The following ERGIC2 variants were observed in gnomAD, a reference collection of about 807,000 sequenced individuals.
ERGIC2 encodes the protein endoplasmic reticulum-Golgi intermediate compartment protein 2.
ERGIC2 carries 31 observed loss-of-function variants against 52.5 expected under a neutral mutation model. The ratio of observed to expected loss-of-function variants is 0.59; its 90% CI spans 0.44 to 0.80. ERGIC2 has a LOEUF of 0.80. ERGIC2 is among the 30% of genes least tolerant of loss of function. The pLI is 0.00. For synonymous variants in ERGIC2, 129 were observed against 140.6 expected (o/e 0.92, Z 0.58); for missense variants, 395 against 455.2 (o/e 0.87, Z 1.20).
chr12:29,380,919 A>G (rs1940579535), intron 1 of ERGIC2, 196 bp downstream of exon 1: 1 of 152,264 alleles, frequency 6.6e-6, no homozygotes, highest in African/African-American at 2.4e-5. Flanking sequence ...TCCCAGTAGC[A>G]TCGTTGCCTA....
chr12:29,369,240 A>G (rs959055511), intron 3 of ERGIC2, among the ~76,000 whole-genome samples: 5 of 151,920 alleles, frequency 3.3e-5, no homozygotes, highest in Admixed American at 6.6e-5. Context: ...TATGTAATAC[A>G]TAAGACTTCA....
chr12:29,343,924 C>G (rs558758467), intron 11 of ERGIC2, among the ~76,000 whole-genome samples: 62 of 152,244 alleles, frequency 4.1e-4, no homozygotes, highest in Admixed American at 4.0e-3. Context: ...CCTCCCACCC[C>G]CTATCCTGCA....
chr12:29,357,824 CATTT>C (rs1202616499), intron 6 of ERGIC2, 100 bp from the exon 7 acceptor site: 1 of 740,654 alleles, frequency 1.4e-6, no homozygotes, highest in African/African-American at 1.8e-5. Flanking sequence ...TTAAATCATA[CATTT>C]ATTATTACAG....
At chr12:29,354,425 A>G (rs1372941567) in intron 8 of ERGIC2, among the ~76,000 whole-genome samples, 2 of 152,240 alleles carry the variant, frequency 1.3e-5, no homozygotes, top group Non-Finnish European at 1.5e-5. Flanking sequence ...AATTCTACAT[A>G]TAAGTGGCAA....
chr12:29,367,869 T>C (rs561148919), intron 4 of ERGIC2, among the ~76,000 whole-genome samples: 2 of 151,676 alleles, frequency 1.3e-5, no homozygotes, highest in East Asian at 3.9e-4. Flanking sequence ...AACGCAAGAG[T>C]AAACATAAAA....
chr12:29,376,810 T>A (rs536999809), intron 1 of ERGIC2, among the ~76,000 whole-genome samples: 1 of 152,314 alleles, frequency 6.6e-6, no homozygotes, highest in East Asian at 1.9e-4. Flanking sequence ...TTGCCAGAAG[T>A]CATTGCTATT....
chr12:29,340,901 G>GTC lies in ERGIC2; in HGVS notation c.*253_*254dup, dbSNP rs1949833163. ...ATTTGCTATGAAAATATAAGAAGGC[G>GTC]TCATCTTCAAAGCAACACTCCAGTT... is the stretch of plus-strand genomic sequence containing the variant. On this transcript the variant is annotated 3_prime_UTR_variant, in exon 14 of 14. Transcript: ENST00000360150. The GTC allele has an allele frequency of 2.0e-6, 1 of 510,188 alleles. No individual in the cohort carries two copies. The highest frequency in any genetic ancestry group is 3.6e-6 in the Non-Finnish European group (1 of 277,834). 31.6% of individuals were successfully genotyped at this position (510,188 alleles called of 1,614,324 possible). A position where few individuals can be genotyped will look rare whatever the true frequency, so the allele number is the denominator to read the frequency against.
intron 11 of ERGIC2, among the ~76,000 whole-genome samples, chr12:29,344,630 T>C (rs1229885275): frequency 2.0e-5 from 3 of 151,844 alleles, no homozygotes; most frequent in African/African-American, 4.8e-5. Context: ...CACATGACAC[T>C]TCACCCCTAA....
chr12:29,359,560 T>C (rs1290771432), intron 6 of ERGIC2, among the ~76,000 whole-genome samples: 1 of 152,034 alleles, frequency 6.6e-6, no homozygotes, highest in Non-Finnish European at 1.5e-5. Flanking sequence ...GTTTCGAGCA[T>C]TGAAAAAAAT....
Position 29,371,557 on chromosome 12 carries a change from T to C in ERGIC2, c.77A>G (p.Tyr26Cys), listed in dbSNP as rs762107524. ...ACCTCCACTGGCTGAAGTCTCTACATAGCTCTCAGGAACCTTCGGAAAGGC... is the reference window on the plus strand; with the variant it reads ...ACCTCCACTGGCTGAAGTCTCTACACAGCTCTCAGGAACCTTCGGAAAGGC... ...LDAFPKVPES[Y>C]VETSASGGTV... The change falls in exon 2 of 14, where the codon TAT (tyrosine) becomes TGT (cysteine). Residue 26 changes from tyrosine to cysteine, a missense_variant. Transcript: ENST00000360150. 31 of 1,612,674 alleles carry C rather than the reference T, an allele frequency of 1.9e-5. No individual in the cohort carries two copies. The highest frequency in any genetic ancestry group is 1.3e-4 in the South Asian group (12 of 90,780).
intron 1 of ERGIC2, among the ~76,000 whole-genome samples, chr12:29,376,750 G>A (rs1300107561): frequency 6.6e-6 from 1 of 152,032 alleles, no homozygotes; most frequent in Non-Finnish European, 1.5e-5. Flanking sequence ...TACTCAGTGT[G>A]GTAAGCCATT....
chr12:29,370,053 G>C, intron 3 of ERGIC2, 61 bp downstream of exon 3: 1 of 1,379,000 alleles, frequency 7.3e-7, no homozygotes, highest in Non-Finnish European at 9.4e-7. Flanking sequence ...TTTTTAAAAG[G>C]TATGCTCTTT....
chr12:29,341,593 A>G (rs1053958764), intron 13 of ERGIC2, 141 bp downstream of exon 13: 5 of 611,142 alleles, frequency 8.2e-6, no homozygotes, highest in Admixed American at 2.7e-5. Context: ...GACTGGTCTC[A>G]AACTCCTGGG....
chr12:29,345,247 G>T (rs1940029129), intron 11 of ERGIC2, among the ~76,000 whole-genome samples, 196 bp downstream of exon 11: 1 of 151,926 alleles, frequency 6.6e-6, no homozygotes, highest in South Asian at 2.1e-4. Context: ...TACTTTTATT[G>T]CTTTAGAATA....
intron 4 of ERGIC2, 100 bp from the exon 5 acceptor site, chr12:29,367,047 CAAA>C (rs748343213): frequency 5.0e-3 from 1,304 of 261,572 alleles, no homozygotes; most frequent in South Asian, 7.7e-3. Flanking sequence ...ACTCACCAAG[CAAA>C]AAAAAAAAAA....
Position 29,366,934 on chromosome 12 carries a change from A to C in ERGIC2, c.276T>G (p.Asp92Glu). 6.3e-7 allele frequency: 1 copy of C among 1,598,018 alleles called. No homozygotes were observed. Among genetic ancestry groups the C allele is most frequent in the Admixed American group, 1.7e-5 (1 of 58,498 alleles). Residue 92 changes from aspartate (D) to glutamate (E), a missense_variant, in exon 5 of 14, where the codon GAT becomes GAG. Transcript: ENST00000360150. ...CCATTGTTTCTGCTAAATCCAATACATCCGCTCCAACATCTGCATAGAAAA... is the reference window on the plus strand; with the variant it reads ...CCATTGTTTCTGCTAAATCCAATACCTCCGCTCCAACATCTGCATAGAAAA... The part of the protein sequence containing the change: ...VAMKCQYVGA[D>E]VLDLAETMVA...
chr12:29,377,954 A>T (rs1023844693), intron 1 of ERGIC2, among the ~76,000 whole-genome samples: 6 of 152,202 alleles, frequency 3.9e-5, no homozygotes, highest in Admixed American at 1.3e-4. Context: ...TATGAGAAAA[A>T]TTTAATTGGT....
chr12:29,364,170 G>A (rs1016732075), intron 5 of ERGIC2, among the ~76,000 whole-genome samples: 9 of 151,960 alleles, frequency 5.9e-5, no homozygotes, highest in African/African-American at 2.2e-4. Flanking sequence ...AGAGAAAATG[G>A]GTAATAAAAG....
At chr12:29,353,778 A>G (rs1217538631) in intron 8 of ERGIC2, among the ~76,000 whole-genome samples, 2 of 151,946 alleles carry the variant, frequency 1.3e-5, no homozygotes, top group Non-Finnish European at 2.9e-5. Flanking sequence ...TAACAGCATA[A>G]GTGAGCATCT....
Sources: gnomAD v4.1 joint callset for allele counts (sites outside exome capture counted in the v4.1 genomes callset) on GRCh38, gnomAD v4.1.1 for gene constraint, MANE v1.5 for transcripts, NCBI Gene and HGNC (gene_info 2026-07-23, HGNC 2026-07-21) for gene names.